BAIAP2L2: variants seen among roughly 807,000 people sequenced by gnomAD.
The protein encoded by BAIAP2L2 is BAR/IMD domain containing adaptor protein 2 like 2.
Under a neutral mutation model 60.4 loss-of-function variants are expected in BAIAP2L2, and 65 were observed. That is an observed-to-expected ratio of 1.08 (90% confidence interval 0.88 to 1.32). The LOEUF (loss-of-function observed/expected upper bound fraction) is 1.32, where lower values mean the gene tolerates loss of function less well. Among genes scored for constraint, BAIAP2L2 ranks in the 40% most tolerant of loss-of-function variants. The pLI, the probability that BAIAP2L2 is intolerant of heterozygous loss-of-function variation, is 0.00. For synonymous variants in BAIAP2L2, 344 were observed against 301.7 expected (o/e 1.14, Z -1.45); for missense variants, 836 against 741.2 (o/e 1.13, Z -1.48).
At chr22:38,107,487 T>A (rs1429794464) in intron 4 of BAIAP2L2, among the ~76,000 whole-genome samples, 1 of 151,936 alleles carries the variant, frequency 6.6e-6, no homozygotes, top group Non-Finnish European at 1.5e-5. Context: ...ACGGTTCTGC[T>A]CCTGGGAGTG....
At chr22:38,106,186 CTTG>C (rs2086661264) in intron 4 of BAIAP2L2, among the ~76,000 whole-genome samples, 1 of 152,142 alleles carries the variant, frequency 6.6e-6, no homozygotes, top group East Asian at 1.9e-4. Flanking sequence ...GCCTTGGGGC[CTTG>C]TTGTGTGTGC....
At chr22:38,089,053 G>A in intron 9 of BAIAP2L2, 43 bp downstream of exon 9, 3 of 1,389,586 alleles carry the variant, frequency 2.2e-6, no homozygotes, top group Non-Finnish European at 2.8e-6. Flanking sequence ...CCACCCCCGC[G>A]CCTCTCCCGG....
At chr22:38,108,111 G>T in intron 3 of BAIAP2L2, 144 bp downstream of exon 3, 1 of 954,954 alleles carries the variant, frequency 1.0e-6, no homozygotes, top group Non-Finnish European at 1.6e-6. Flanking sequence ...GGGAGTGGTG[G>T]CGGGGAGCCT....
At chr22:38,098,020 C>CCCCCCA in intron 6 of BAIAP2L2, 43 bp downstream of exon 6, 2 of 817,886 alleles carry the variant, frequency 2.4e-6, no homozygotes, top group Non-Finnish European at 4.0e-6. Flanking sequence ...GAGGTCTGCC[C>CCCCCCA]ACCCGCCCTT....
intron 4 of BAIAP2L2, among the ~76,000 whole-genome samples, chr22:38,101,845 T>A (rs1451721115): frequency 6.6e-6 from 1 of 151,876 alleles, no homozygotes; most frequent in African/African-American, 2.4e-5. Flanking sequence ...CAGAGCAAGA[T>A]TCCGTCTCAA....
rs767793673 is a variant in BAIAP2L2 at position 38,108,244 on chromosome 22, G to A, written c.214+11C>T. 1.9e-6 allele frequency: 3 copies of A among 1,610,328 alleles called. No individual in the cohort carries two copies. Among genetic ancestry groups the A allele is most frequent in the East Asian group, 2.2e-5 (1 of 44,840 alleles). The stretch of plus-strand genomic sequence containing the variant: ...CCAAGAATGGGGTCTGCTGTGGAGG[G>A]GGAGCCTCACCCAGAATCTGTGAGG... On this transcript the variant is annotated intron_variant, in intron 3 of 13. Coordinates refer to ENST00000381669, the MANE Select transcript of BAIAP2L2 (RefSeq NM_025045.6).
chr22:38,110,666 C>T lies in BAIAP2L2; in HGVS notation c.-141G>A. The stretch of plus-strand genomic sequence containing the variant: ...TCGGAGAGGGACCTGGAGATGGAGG[C>T]CTGCCTCAGAGGAGTGGCAGCTTAA... On this transcript the variant is annotated 5_prime_UTR_variant, in exon 1 of 14. Coordinates refer to ENST00000381669, the MANE Select transcript of BAIAP2L2 (RefSeq NM_025045.6). The T allele has an allele frequency of 1.6e-6, 1 of 634,204 alleles. No homozygotes were observed. The highest frequency in any genetic ancestry group is 3.1e-5 in the Admixed American group (1 of 32,570). The allele number at this position is 634,204 out of a possible 1,614,324, so 39.3% of individuals were successfully genotyped here.
At position 38,085,694 on chromosome 22, in the gene BAIAP2L2, G is replaced by C; in HGVS notation, c.1506C>G (p.Leu502=). Residue 502 remains leucine, a synonymous_variant, in exon 13 of 14, where the codon CTC becomes CTG. Coordinates refer to ENST00000381669, the MANE Select transcript of BAIAP2L2 (RefSeq NM_025045.6). ...MSSEQYPPQE[L]FPRGTNPFAT... is the part of the protein sequence containing the mutation. ...CCCATGTGAGGACTCACCTCGGGAA[G>C]AGCTCCTGTGGTGGGTACTGCTCTG... is the stretch of plus-strand genomic sequence containing the variant. 6.2e-7 allele frequency: 1 copy of C among 1,613,104 alleles called. No homozygotes were observed. The highest frequency in any genetic ancestry group is 2.2e-5 in the East Asian group (1 of 44,874).
At chr22:38,093,469 G>A (rs928135781) in intron 7 of BAIAP2L2, among the ~76,000 whole-genome samples, 4 of 152,220 alleles carry the variant, frequency 2.6e-5, no homozygotes, top group East Asian at 1.9e-4. Context: ...CCTCACCCAC[G>A]AGGAGGCAGT....
intron 4 of BAIAP2L2, among the ~76,000 whole-genome samples, chr22:38,106,222 G>C (rs968388740): frequency 6.6e-6 from 1 of 152,150 alleles, no homozygotes; most frequent in African/African-American, 2.4e-5. Flanking sequence ...TTTACTAATA[G>C]AAAGATTGTT....
chr22:38,089,420 G>C (rs1400705965), intron 8 of BAIAP2L2, 102 bp downstream of exon 8: 9 of 666,992 alleles, frequency 1.3e-5, no homozygotes, highest in Non-Finnish European at 1.5e-5. Flanking sequence ...CGTAGAGCGG[G>C]AGCCTGGGGG....
Position 38,110,503 on chromosome 22 carries a change from A to C in BAIAP2L2, c.23T>G (p.Phe8Cys). Residue 8 changes from phenylalanine (F) to cysteine (C), a missense_variant, in exon 1 of 14, where the codon TTC becomes TGC. Phe to Cys is a radical substitution (Grantham distance 205). Transcript: ENST00000381669. ...GTAGATGGCCATGGTGGACCTGTAG[A>C]ACTGGTCCATCTCGGGGGCCATGGA... MAPEMDQ[F>C]YRSTMAIYKS... 1 of 1,611,620 alleles carries C rather than the reference A, an allele frequency of 6.2e-7. No homozygotes were observed.
chr22:38,087,255 C>T lies in BAIAP2L2; in HGVS notation c.1128G>A (p.Trp376Ter), dbSNP rs375832280. 6.9e-6 allele frequency: 11 copies of T among 1,605,084 alleles called. No individual in the cohort carries two copies. In the African/African-American group the frequency reaches 1.5e-4, roughly 22 times the overall value. Residue 376 changes from tryptophan (W) to a stop codon, truncating the protein, a stop_gained, in exon 11 of 14, where the codon TGG becomes TGA. Coordinates refer to ENST00000381669, the MANE Select transcript of BAIAP2L2 (RefSeq NM_025045.6). LOFTEE classifies it high-confidence loss of function. ...GAGCCTTCACGTACGCCTCGGGGAA[C>T]CAACCGCTCCTGTGGGGTAGAGGCA... ...GKLEGSSASG[W>*]FPEAYVKALE...
In BAIAP2L2 at chr22:38,103,971, C is replaced by T. The variant is rs139208767; in HGVS notation, c.276+3881G>A. On this transcript the variant is annotated intron_variant, in intron 4 of 13. Transcript: ENST00000381669. ...AATAGGTCAAATGAGTTTAAATCTACGATATTGATTATAGTAAATAAAAGT... is the reference window on the plus strand; with the variant it reads ...AATAGGTCAAATGAGTTTAAATCTATGATATTGATTATAGTAAATAAAAGT... 7.0e-3 allele frequency among the ~76,000 whole-genome samples: 1,057 copies of T among 151,650 alleles called. 9 individuals are homozygous for T. Among genetic ancestry groups the T allele is most frequent in the Non-Finnish European group, 0.011 (741 of 67,962 alleles).
intron 7 of BAIAP2L2, among the ~76,000 whole-genome samples, chr22:38,094,918 G>A (rs1419415016): frequency 1.3e-5 from 2 of 152,128 alleles, no homozygotes; most frequent in African/African-American, 4.8e-5. Context: ...TTGGGAGGCC[G>A]AGGCAGGTGG....
At chr22:38,089,469 C>T (rs1393160780) in intron 8 of BAIAP2L2, 53 bp downstream of exon 8, 2 of 1,091,820 alleles carry the variant, frequency 1.8e-6, no homozygotes, top group Admixed American at 4.6e-5. Flanking sequence ...GCCCCGGGCC[C>T]CCGCGGGGGG....
chr22:38,101,661 C>T (rs1169294330), intron 4 of BAIAP2L2, among the ~76,000 whole-genome samples: 1 of 151,914 alleles, frequency 6.6e-6, no homozygotes, highest in Non-Finnish European at 1.5e-5. Flanking sequence ...TGAGACCAGC[C>T]TGGCCAACAT....
rs188941013 is a variant in BAIAP2L2 at position 38,099,306 on chromosome 22, G to A, written c.277-824C>T. ...CCCAGCACTTTGGGAGGCTGAGGTG[G>A]GTGGATCACCTGAGGCCAGGAGTTC... is the stretch of plus-strand genomic sequence containing the variant. On this transcript the variant is annotated intron_variant, in intron 4 of 13. Transcript: ENST00000381669. Among the ~76,000 whole-genome samples the A allele has an allele frequency of 2.3e-3, 348 of 152,274 alleles. 1 individual carries two copies. The highest frequency in any genetic ancestry group is 8.0e-3 in the African/African-American group (334 of 41,546).
At chr22:38,086,775 C>G (rs2086089101) in intron 11 of BAIAP2L2, among the ~76,000 whole-genome samples, 1 of 152,096 alleles carries the variant, frequency 6.6e-6, no homozygotes, top group African/African-American at 2.4e-5. Flanking sequence ...GTGGGTGGAT[C>G]ACCTGAGGTC....
Sources: allele counts gnomAD v4.1 joint callset (sites outside exome capture counted in the v4.1 genomes callset), GRCh38; gene constraint gnomAD v4.1.1; transcripts MANE v1.5; gene names NCBI Gene and HGNC (gene_info 2026-07-23, HGNC 2026-07-21).